CPSF4L: variants seen among roughly 807,000 people sequenced by gnomAD.
CPSF4L encodes cleavage and polyadenylation specific factor 4 like, also known as putative cleavage and polyadenylation specificity factor subunit 4-like protein.
A neutral mutation model predicts 24.0 loss-of-function variants in CPSF4L; 18 were observed. That is an observed-to-expected ratio of 0.75 (90% confidence interval 0.52 to 1.11). CPSF4L has a LOEUF of 1.11. CPSF4L is among the 50% of genes least tolerant of loss of function. CPSF4L has a pLI of 0.00. For synonymous variants in CPSF4L, 72 were observed against 77.2 expected, an observed-to-expected ratio of 0.93 and a Z score of 0.35; for missense variants, 211 against 221.8, an observed-to-expected ratio of 0.95 and a Z score of 0.31.
Position 73,252,642 on chromosome 17 carries a change from C to A in CPSF4L, c.485G>T (p.Cys162Phe). 3 of 1,549,784 alleles carry A rather than the reference C, an allele frequency of 1.9e-6. No homozygotes were observed. The East Asian group carries it at 7.3e-5, about 38-fold the overall frequency. ...GGATCATACTTACTGAGCAAATTGGCACTTGGGTCCCTCGGGGCAGAAGCC... is the reference window on the plus strand; with the variant it reads ...GGATCATACTTACTGAGCAAATTGGAACTTGGGTCCCTCGGGGCAGAAGCC... Reference protein sequence around the residue: ...LVGFCPEGPKCQFAQKIREFK... With the variant: ...LVGFCPEGPKFQFAQKIREFK... Residue 162 changes from cysteine (C) to phenylalanine (F), a missense_variant, in exon 5 of 6, where the codon TGC becomes TTC. Physicochemically the swap from Cys to Phe is radical, Grantham distance 205. Coordinates refer to ENST00000344935, the MANE Select transcript of CPSF4L (RefSeq NM_001129885.1).
the CPSF4L span, chr17:73,243,096 T>TTTTGA: frequency 1.0e-6 from 1 of 995,258 alleles, no homozygotes; most frequent in South Asian, 1.4e-5. Flanking sequence ...TTTTTTTTTT[T>TTTTGA]TTTTTACAGC....
chr17:73,259,358 A>ATTT (rs2062036340), intron 2 of CPSF4L, among the ~76,000 whole-genome samples: 4 of 151,204 alleles, frequency 2.6e-5, no homozygotes, highest in Non-Finnish European at 4.4e-5. Flanking sequence ...CTTTTTTAAA[A>ATTT]AAAAAAAATT....
downstream of CPSF4L, chr17:73,245,526 T>C (rs2061938258): frequency 1.0e-6 from 1 of 985,418 alleles, no homozygotes; most frequent in Non-Finnish European, 1.2e-6. Flanking sequence ...AAGTCACTTC[T>C]CAGTAAAAAG....
At chr17:73,253,804 A>G in intron 4 of CPSF4L, 127 bp downstream of exon 4, 2 of 603,758 alleles carry the variant, frequency 3.3e-6, no homozygotes. Context: ...GAGGAGAACT[A>G]CAGAAAGGCC....
intron 5 of CPSF4L, 96 bp from the exon 6 acceptor site, chr17:73,248,632 G>T (rs1029427871): frequency 2.4e-6 from 3 of 1,254,494 alleles, no homozygotes; most frequent in African/African-American, 3.0e-5. Flanking sequence ...TGACACCCAG[G>T]CTACTGTCCA....
At chr17:73,248,294 A>G (rs1295967182), downstream of CPSF4L, 1 of 579,068 alleles carries the variant, frequency 1.7e-6, no homozygotes, top group African/African-American at 1.9e-5. Context: ...AGAAGCCAGT[A>G]CGCTTCAGGT....
rs190105269 is a variant in CPSF4L, at chr17:73,261,774, G to A, written c.45C>T (p.Phe15=). The A allele has an allele frequency of 1.2e-3, 1,857 of 1,551,762 alleles. 4 individuals are homozygous for A. Among genetic ancestry groups the A allele is most frequent in the Admixed American group, 3.2e-3 (165 of 51,004 alleles). Reference sequence around the variant, plus strand: ...CCTTCTGCATCTCGACATCCTTCTCGAAGGCAAAGGTGAACCGCTCTAGCC... The same window carrying A: ...CCTTCTGCATCTCGACATCCTTCTCAAAGGCAAAGGTGAACCGCTCTAGCC... ...IAGLERFTFA[F]EKDVEMQKGT... is the part of the protein sequence containing the mutation. Residue 15 remains phenylalanine, a synonymous_variant, in exon 1 of 6, where the codon TTC becomes TTT. Transcript: ENST00000344935.
At chr17:73,255,505 T>G (rs1386048253) in intron 3 of CPSF4L, among the ~76,000 whole-genome samples, 2 of 107,870 alleles carry the variant, frequency 1.9e-5, no homozygotes, top group Non-Finnish European at 3.6e-5. Context: ...AGACTCTGTC[T>G]CCAAAAAAAG....
intron 5 of CPSF4L, chr17:73,251,032 T>C (rs1384069155): frequency 1.3e-6 from 2 of 1,549,724 alleles, no homozygotes; most frequent in Admixed American, 2.0e-5. Context: ...AGGCACTCTG[T>C]TGGGGATGGG....
chr17:73,242,837 G>C, the CPSF4L span: 1 of 1,380,688 alleles, frequency 7.2e-7, no homozygotes, highest in Non-Finnish European at 1.0e-6. Flanking sequence ...TGAATGACTC[G>C]CGGATACTGG....
At chr17:73,245,050 T>G, downstream of CPSF4L, 1 of 917,142 alleles carries the variant, frequency 1.1e-6, no homozygotes, top group Non-Finnish European at 1.7e-6. Context: ...TCATTGTGCT[T>G]AATACTCTAT....
At chr17:73,246,223 A>G (rs1396552073), downstream of CPSF4L, among the ~76,000 whole-genome samples, 1 of 152,114 alleles carries the variant, frequency 6.6e-6, no homozygotes, top group African/African-American at 2.4e-5. Flanking sequence ...AGTTCCTCTT[A>G]TGTCCCAGCT....
At chr17:73,253,884 C>A in intron 4 of CPSF4L, 47 bp downstream of exon 4, 2 of 1,369,620 alleles carry the variant, frequency 1.5e-6, no homozygotes, top group South Asian at 2.5e-5. Flanking sequence ...AGAGCTCCCA[C>A]CCTGATCCCC....
intron 2 of CPSF4L, among the ~76,000 whole-genome samples, chr17:73,258,549 G>A (rs1372600604): frequency 1.3e-5 from 2 of 150,624 alleles, no homozygotes; most frequent in Non-Finnish European, 3.0e-5. Flanking sequence ...TGATCCATCC[G>A]CCTCAGCCTC....
chr17:73,251,049 C>T, intron 5 of CPSF4L: 1 of 1,549,872 alleles, frequency 6.5e-7, no homozygotes, highest in South Asian at 1.2e-5. Context: ...TGGGGGTTTC[C>T]AAGCTTCCAC....
At chr17:73,260,901 A>G in intron 2 of CPSF4L, 32 bp downstream of exon 2, 1 of 1,544,114 alleles carries the variant, frequency 6.5e-7, no homozygotes, top group Non-Finnish European at 8.8e-7. Context: ...ACACTCACCC[A>G]GCTTGGGGCC....
At chr17:73,246,994 A>C (rs1231834216), downstream of CPSF4L, among the ~76,000 whole-genome samples, 2 of 152,178 alleles carry the variant, frequency 1.3e-5, no homozygotes, top group African/African-American at 2.4e-5. Flanking sequence ...AATGACCTTC[A>C]GTAATACCCT....
chr17:73,254,418 ATGC>A (rs1266020260), intron 3 of CPSF4L, among the ~76,000 whole-genome samples: 2 of 152,180 alleles, frequency 1.3e-5, no homozygotes, highest in East Asian at 1.9e-4. Flanking sequence ...TACAAAACCC[ATGC>A]TGCCTGCAGA....
chr17:73,263,156 C>T (rs1422955645), upstream of CPSF4L, among the ~76,000 whole-genome samples: 2 of 152,142 alleles, frequency 1.3e-5, no homozygotes, highest in East Asian at 3.9e-4. Context: ...GATTAGTAGT[C>T]CCAAGAATGC....
Sources: allele counts gnomAD v4.1 joint callset (sites outside exome capture counted in the v4.1 genomes callset), GRCh38; gene constraint gnomAD v4.1.1; transcripts MANE v1.5; gene names NCBI Gene and HGNC (gene_info 2026-07-23, HGNC 2026-07-21).